Variants in KMT2C observed in about 807,000 individuals in gnomAD.
The protein encoded by KMT2C is lysine methyltransferase 2C, also known as histone-lysine N-methyltransferase 2C.
Under a neutral mutation model 507.9 loss-of-function variants are expected in KMT2C, and 88 were observed. The ratio of observed to expected loss-of-function variants is 0.17; its 90% CI spans 0.15 to 0.21. The LOEUF (loss-of-function observed/expected upper bound fraction) is 0.21. Among genes scored for constraint, KMT2C ranks in the 10% least tolerant of loss-of-function variants. The probability of loss-of-function intolerance (pLI) is 1.00; values close to 1 mark genes in which losing one functional copy is unlikely to be tolerated. For missense variants in KMT2C, 4,954 were observed against 5,957.8 expected (o/e 0.83, Z 5.55); for synonymous variants, 2,049 against 2,080.8 (o/e 0.98, Z 0.42).
At chr7:152,279,925 C>T (rs2096171564) in intron 6 of KMT2C, among the ~76,000 whole-genome samples, 1 of 152,300 alleles carries the variant, frequency 6.6e-6, no homozygotes, top group Admixed American at 6.5e-5. Flanking sequence ...AAATTTCCTA[C>T]CCTAATACAG....
chr7:152,223,830 A>C (rs1433822423), intron 20 of KMT2C, among the ~76,000 whole-genome samples, 185 bp downstream of exon 20: 2 of 152,124 alleles, frequency 1.3e-5, no homozygotes, highest in Non-Finnish European at 2.9e-5. Context: ...ACAAAATTTT[A>C]GTCCGGAGTT....
intron 6 of KMT2C, among the ~76,000 whole-genome samples, chr7:152,284,873 G>A (rs2129183201): frequency 6.6e-6 from 1 of 152,372 alleles, no homozygotes; most frequent in South Asian, 2.1e-4. Context: ...ATCACTAAAT[G>A]CCAACCAGAT....
chr7:152,277,566 C>T (rs1315749286), intron 6 of KMT2C, among the ~76,000 whole-genome samples: 1 of 152,124 alleles, frequency 6.6e-6, no homozygotes, highest in East Asian at 1.9e-4. Context: ...TATATCCTTA[C>T]AAAAATACCC....
chr7:152,392,643 T>C (rs578061727), intron 1 of KMT2C, among the ~76,000 whole-genome samples: 2 of 152,324 alleles, frequency 1.3e-5, no homozygotes, highest in South Asian at 2.1e-4. Flanking sequence ...AATTTCATTG[T>C]ATTTTGTGTG....
rs896391743 is a variant in KMT2C, at chr7:152,435,993, G to C, written c.-207C>G. ...CACGCACTCACACACATCGGCGCGG[G>C]CGCGCGCACCTCCGCGCGCAGGGGC... On this transcript the variant is annotated 5_prime_UTR_variant, in exon 1 of 59. Transcript: ENST00000262189. The C allele has an allele frequency of 1.8e-4, 48 of 266,052 alleles. No individual in the cohort carries two copies. The highest frequency in any genetic ancestry group is 1.1e-3 in the African/African-American group (47 of 43,344). 16.5% of individuals were successfully genotyped at this position (266,052 alleles called of 1,614,324 possible). A position where few individuals can be genotyped will look rare whatever the true frequency, so the allele number is the denominator to read the frequency against.
At chr7:152,157,670 G>A (rs2092157138) in intron 44 of KMT2C, 1 of 842,132 alleles carries the variant, frequency 1.2e-6, no homozygotes, top group South Asian at 2.4e-5. Context: ...AAGAGTAGAT[G>A]TAAACTAAAT....
chr7:152,383,382 A>G lies in KMT2C; in HGVS notation c.162-24707T>C, dbSNP rs575529696. The stretch of plus-strand genomic sequence containing the variant: ...AGCATTTTTAGTAGAATGCTTGCAC[A>G]TCTTCCTACATTCCTGTAATCAAAC... On this transcript the variant is annotated intron_variant, in intron 1 of 58. Transcript: ENST00000262189. Among the ~76,000 whole-genome samples the G allele has an allele frequency of 2.6e-5, 4 of 152,336 alleles. No individual in the cohort carries two copies. The South Asian group carries it at 6.2e-4, about 24-fold the overall frequency.
In KMT2C at chr7:152,135,747, G is replaced by A. The variant is rs947539750; in HGVS notation, c.*1085C>T. The A allele has an allele frequency of 4.4e-6, 1 of 227,418 alleles. No individual in the cohort carries two copies. The highest frequency in any genetic ancestry group is 2.2e-5 in the African/African-American group (1 of 44,848). The allele number at this position is 227,418 out of a possible 1,614,324, so 14.1% of individuals were successfully genotyped here. On this transcript the variant is annotated 3_prime_UTR_variant, in exon 59 of 59. Transcript: ENST00000262189. ...CAAAAAAACCTGACTGAAGAAGTAG[G>A]GATGCAACAATATAATATGAAAAAA...
intron 1 of KMT2C, among the ~76,000 whole-genome samples, chr7:152,381,360 G>C (rs954934915): frequency 1.4e-4 from 22 of 152,044 alleles, no homozygotes; most frequent in Admixed American, 2.6e-4. Flanking sequence ...GGGCAGGGAG[G>C]GGGGGAGGGG....
chr7:152,158,458 T>C (rs974845985), intron 44 of KMT2C, among the ~76,000 whole-genome samples: 1 of 152,142 alleles, frequency 6.6e-6, no homozygotes, highest in Non-Finnish European at 1.5e-5. Context: ...GTCTACTAGG[T>C]TCCTTGTCCA....
intron 2 of KMT2C, among the ~76,000 whole-genome samples, chr7:152,331,698 G>C (rs1003812604): frequency 6.9e-6 from 1 of 144,042 alleles, no homozygotes; most frequent in Admixed American, 7.1e-5. Flanking sequence ...ACCCAGGCTG[G>C]AATGCAATGG....
chr7:152,150,302 C>T (rs991568438), intron 51 of KMT2C, among the ~76,000 whole-genome samples: 1 of 152,100 alleles, frequency 6.6e-6, no homozygotes, highest in African/African-American at 2.4e-5. Flanking sequence ...GGGGTAACAT[C>T]AATAAAAATG....
chr7:152,194,935 T>C (rs527989057), intron 28 of KMT2C, among the ~76,000 whole-genome samples: 4 of 152,166 alleles, frequency 2.6e-5, no homozygotes, highest in African/African-American at 9.6e-5. Flanking sequence ...TTATCAAATG[T>C]ACAGTTCAAT....
intron 24 of KMT2C, among the ~76,000 whole-genome samples, chr7:152,206,318 T>C (rs2094308289): frequency 6.6e-6 from 1 of 151,934 alleles, no homozygotes; most frequent in African/African-American, 2.4e-5. Context: ...TACAAGTTCC[T>C]GGAAGAAATC....
At chr7:152,220,838 T>G (rs1484661380) in intron 22 of KMT2C, 103 bp from the exon 23 acceptor site, 1 of 786,126 alleles carries the variant, frequency 1.3e-6, no homozygotes, top group African/African-American at 1.7e-5. Flanking sequence ...ACTGTAGTTC[T>G]AGAAAGCAAT....
At chr7:152,348,325 G>T (rs747213998) in intron 2 of KMT2C, among the ~76,000 whole-genome samples, 1 of 152,026 alleles carries the variant, frequency 6.6e-6, no homozygotes, top group Non-Finnish European at 1.5e-5. Context: ...GGCCAGGCAT[G>T]GTGGCTCACA....
At chr7:152,423,427 A>C (rs1055647682) in intron 1 of KMT2C, among the ~76,000 whole-genome samples, 2 of 152,228 alleles carry the variant, frequency 1.3e-5, no homozygotes, top group Admixed American at 1.3e-4. Flanking sequence ...ATTATATGTA[A>C]GAGAAAACAT....
At chr7:152,258,942 T>C (rs1447644777) in intron 9 of KMT2C, among the ~76,000 whole-genome samples, 2 of 152,042 alleles carry the variant, frequency 1.3e-5, no homozygotes, top group East Asian at 3.9e-4. Context: ...GGAAAAGAAA[T>C]TGGACAACAG....
At chr7:152,331,926 G>A (rs1019421252) in intron 2 of KMT2C, among the ~76,000 whole-genome samples, 2 of 151,932 alleles carry the variant, frequency 1.3e-5, no homozygotes, top group Non-Finnish European at 2.9e-5. Flanking sequence ...TGGAATTACA[G>A]GCATGAGCCA....
Sources: allele counts gnomAD v4.1 joint callset (sites outside exome capture counted in the v4.1 genomes callset), GRCh38; gene constraint gnomAD v4.1.1; transcripts MANE v1.5; gene names NCBI Gene and HGNC (gene_info 2026-07-23, HGNC 2026-07-21).